Variants in C10orf67 observed in about 807,000 individuals in gnomAD.
C10orf67 encodes chromosome 10 open reading frame 67.
In C10orf67, 60 loss-of-function variants were observed where a neutral mutation model predicts 35.6. The ratio of observed to expected loss-of-function variants is 1.68; its 90% CI spans 1.37 to 2.09. C10orf67 has a LOEUF of 2.09. C10orf67 is among the 30% of genes most tolerant of loss of function. C10orf67 has a pLI of 0.00. For synonymous variants in C10orf67, 167 were observed against 115.8 expected (o/e 1.44, Z -2.84); for missense variants, 474 against 330.2 (o/e 1.44, Z -3.38).
chr10:23,284,072 T>C (rs983949065), intron 7 of C10orf67, among the ~76,000 whole-genome samples: 1 of 149,304 alleles, frequency 6.7e-6, no homozygotes, highest in Non-Finnish European at 1.5e-5. Context: ...CTTCCCCAAA[T>C]TCAGTCCCAT....
intron 15 of C10orf67, among the ~76,000 whole-genome samples, chr10:23,207,196 T>G (rs1293104132): frequency 6.6e-6 from 1 of 151,566 alleles, no homozygotes; most frequent in East Asian, 1.9e-4. Flanking sequence ...GAAGACAACA[T>G]TTTGAAAATA....
chr10:23,289,288 C>T (rs1213087903), intron 7 of C10orf67, among the ~76,000 whole-genome samples: 1 of 152,116 alleles, frequency 6.6e-6, no homozygotes, highest in African/African-American at 2.4e-5. Context: ...TTCAGCATCC[C>T]GAGTAGCTGG....
intron 10 of C10orf67, among the ~76,000 whole-genome samples, chr10:23,255,056 T>C (rs923904752): frequency 2.6e-5 from 4 of 152,202 alleles, no homozygotes; most frequent in African/African-American, 9.7e-5. Flanking sequence ...TGCAAATAAC[T>C]ACTTTTGAAC....
chr10:23,223,565 G>T (rs1477887712), intron 15 of C10orf67, 33 bp downstream of exon 15: 4 of 716,976 alleles, frequency 5.6e-6, no homozygotes. Flanking sequence ...CCATTCTGGT[G>T]TGAACCTCAT....
intron 10 of C10orf67, among the ~76,000 whole-genome samples, chr10:23,259,792 A>C (rs1218031037): frequency 6.6e-6 from 1 of 152,160 alleles, no homozygotes; most frequent in Non-Finnish European, 1.5e-5. Context: ...GGATGGGCTC[A>C]TCAATAGACT....
intron 5 of C10orf67, among the ~76,000 whole-genome samples, chr10:23,296,418 G>T (rs1843882071): frequency 6.6e-6 from 1 of 152,104 alleles, no homozygotes; most frequent in African/African-American, 2.4e-5. Context: ...TGATTGGTCT[G>T]GTGTGAGCTA....
At chr10:23,309,590 C>A (rs1246348736) in intron 4 of C10orf67, among the ~76,000 whole-genome samples, 1 of 152,134 alleles carries the variant, frequency 6.6e-6, no homozygotes, top group East Asian at 1.9e-4. Flanking sequence ...GCGCAGAAAC[C>A]AATGCACTAA....
chr10:23,223,077 C>CT (rs970631811), intron 15 of C10orf67, among the ~76,000 whole-genome samples: 5 of 126,312 alleles, frequency 4.0e-5, no homozygotes, highest in African/African-American at 1.9e-4. Flanking sequence ...TGAAGTATAA[C>CT]TATTTTTTTT....
chr10:23,303,260 A>G (rs1166977138), intron 5 of C10orf67, 44 bp downstream of exon 5: 11 of 465,310 alleles, frequency 2.4e-5, no homozygotes, highest in Non-Finnish European at 3.5e-5. Context: ...TTATGACTTT[A>G]TTTATGTATA....
At chr10:23,289,841 C>T (rs1341345534) in intron 7 of C10orf67, 59 bp downstream of exon 7, 2 of 705,890 alleles carry the variant, frequency 2.8e-6, no homozygotes, top group Non-Finnish European at 5.3e-6. Context: ...GTTATTTGGC[C>T]AATTGCGCCT....
chr10:23,206,434 G>T (rs1393241647), intron 15 of C10orf67, among the ~76,000 whole-genome samples: 1 of 152,140 alleles, frequency 6.6e-6, no homozygotes, highest in Non-Finnish European at 1.5e-5. Flanking sequence ...GTATATATAT[G>T]CACATGTATA....
At chr10:23,272,079 C>T (rs778065362) in intron 8 of C10orf67, among the ~76,000 whole-genome samples, 1 of 152,044 alleles carries the variant, frequency 6.6e-6, no homozygotes, top group Non-Finnish European at 1.5e-5. Context: ...AACATGACTA[C>T]CTAATTTTTC....
intron 10 of C10orf67, among the ~76,000 whole-genome samples, chr10:23,256,497 T>G (rs1166040417): frequency 1.3e-5 from 2 of 152,194 alleles, no homozygotes; most frequent in Non-Finnish European, 2.9e-5. Flanking sequence ...AGAGGAGAGA[T>G]GAGAGCCATG....
chr10:23,231,214 G>C (rs1358708938), intron 13 of C10orf67, among the ~76,000 whole-genome samples: 1 of 152,154 alleles, frequency 6.6e-6, no homozygotes, highest in African/African-American at 2.4e-5. Context: ...CATAGACAGA[G>C]AGCACCTTTC....
chr10:23,267,033 C>T (rs1262095225), intron 9 of C10orf67, among the ~76,000 whole-genome samples, 162 bp downstream of exon 9: 1 of 152,230 alleles, frequency 6.6e-6, no homozygotes, highest in African/African-American at 2.4e-5. Context: ...GCATGAGCCA[C>T]TGCTCCTGGC....
chr10:23,324,201 C>T (rs1338219620), intron 2 of C10orf67, among the ~76,000 whole-genome samples: 1 of 151,542 alleles, frequency 6.6e-6, no homozygotes, highest in Admixed American at 6.6e-5. Context: ...AACTCCTCTT[C>T]TTCCCTTGGG....
intron 13 of C10orf67, among the ~76,000 whole-genome samples, chr10:23,237,192 T>C (rs1588603056): frequency 6.6e-6 from 1 of 152,192 alleles, no homozygotes; most frequent in East Asian, 1.9e-4. Context: ...GCTCCATTCA[T>C]GTTGCTGCAA....
intron 4 of C10orf67, among the ~76,000 whole-genome samples, chr10:23,309,228 T>C (rs1844403216): frequency 1.3e-5 from 2 of 152,316 alleles, no homozygotes; most frequent in Non-Finnish European, 2.9e-5. Context: ...AATGAAATCA[T>C]GTCCTTTGCA....
At chr10:23,278,535 C>T (rs1435944486) in intron 8 of C10orf67, among the ~76,000 whole-genome samples, 4 of 152,118 alleles carry the variant, frequency 2.6e-5, no homozygotes, top group African/African-American at 9.7e-5. Context: ...CTGTAGCTCA[C>T]AGAATGGAAA....
Sources: gnomAD v4.1 joint callset for allele counts (sites outside exome capture counted in the v4.1 genomes callset) on GRCh38, gnomAD v4.1.1 for gene constraint, MANE v1.5 for transcripts, NCBI Gene and HGNC (gene_info 2026-07-23, HGNC 2026-07-21) for gene names.